SPATA13: variants seen among roughly 807,000 people sequenced by gnomAD.
The protein encoded by SPATA13 is spermatogenesis-associated protein 13.
A neutral mutation model predicts 104.0 loss-of-function variants in SPATA13; 50 were observed. The observed-to-expected ratio is 0.48, with a 90% CI of 0.38 to 0.61. The LOEUF is 0.61. Among genes scored for constraint, SPATA13 ranks in the 20% least tolerant of loss-of-function variants. The probability of loss-of-function intolerance (pLI) is 0.00; values close to 1 mark genes in which losing one functional copy is unlikely to be tolerated. For missense variants in SPATA13, 1,524 were observed against 1,690.6 expected (o/e 0.90, Z 1.73); for synonymous variants, 606 against 667.5 (o/e 0.91, Z 1.42).
intron 4 of SPATA13, among the ~76,000 whole-genome samples, chr13:24,265,531 G>A (rs181932293): frequency 9.8e-5 from 15 of 152,306 alleles, no homozygotes; most frequent in Admixed American, 5.9e-4. Flanking sequence ...GTGCAGCCCC[G>A]TCTCAGCTGT....
Position 24,303,613 on chromosome 13 carries a change from C to T in SPATA13, c.*840C>T, listed in dbSNP as rs1198616258. ...TGCCCACATGCTGTAACCTAAGAAA[C>T]TGCTATGCAAGGCTGGGTGCTGTGG... On this transcript the variant is annotated 3_prime_UTR_variant, in exon 13 of 13. Coordinates refer to ENST00000382108, the MANE Select transcript of SPATA13 (RefSeq NM_001166271.3). The T allele has an allele frequency of 6.5e-6, 1 of 154,306 alleles. No individual in the cohort carries two copies. Among genetic ancestry groups the T allele is most frequent in the Non-Finnish European group, 1.4e-5 (1 of 69,378 alleles). The allele number at this position is 154,306 out of a possible 1,614,324, so 9.6% of individuals were successfully genotyped here.
At chr13:24,122,327 G>A in intron 3 of SPATA13, 2 of 1,447,336 alleles carry the variant, frequency 1.4e-6, no homozygotes, top group Non-Finnish European at 1.9e-6. Flanking sequence ...TGAATAGTTT[G>A]AAAGATAGCT....
chr13:24,291,752 T>A (rs764982168), intron 9 of SPATA13, among the ~76,000 whole-genome samples: 24,784 of 104,276 alleles, frequency 0.24, 2,419 homozygotes, highest in Admixed American at 0.35. Context: ...TTTTTTATTT[T>A]TTTATTTTTT....
chr13:24,163,968 A>G (rs117802275), intron 1 of SPATA13, among the ~76,000 whole-genome samples: 2,074 of 152,330 alleles, frequency 0.014, 23 homozygotes, highest in Admixed American at 0.021. Context: ...ATGTTTGCCT[A>G]TGAGACATGT....
intron 4 of SPATA13, chr13:24,278,775 A>G (rs898014715): frequency 6.2e-7 from 1 of 1,601,384 alleles, no homozygotes; most frequent in Admixed American, 1.7e-5. Context: ...TACTCAAAAA[A>G]GAAAAATATA....
chr13:24,166,281 A>G (rs1882730029), intron 1 of SPATA13, among the ~76,000 whole-genome samples: 1 of 152,232 alleles, frequency 6.6e-6, no homozygotes, highest in Non-Finnish European at 1.5e-5. Flanking sequence ...GCCCATATGT[A>G]AAAGCAAAGC....
intron 3 of SPATA13, chr13:24,123,088 C>T (rs939122073): frequency 1.0e-6 from 1 of 980,490 alleles, no homozygotes; most frequent in African/African-American, 1.6e-5. Context: ...GTAAATTCTT[C>T]ACTATATTCA....
At chr13:24,126,899 T>C (rs561096357) in intron 3 of SPATA13, among the ~76,000 whole-genome samples, 8 of 152,308 alleles carry the variant, frequency 5.3e-5, no homozygotes, top group African/African-American at 1.9e-4. Flanking sequence ...TAGGAATCTT[T>C]ACCCTAAACG....
intron 1 of SPATA13, among the ~76,000 whole-genome samples, chr13:24,190,269 T>TAATATAC (rs1218186954): frequency 2.8e-4 from 1 of 3,554 alleles, no homozygotes; most frequent in African/African-American, 9.0e-4. Flanking sequence ...ACATAATATA[T>TAATATAC]ATTATTATAT....
chr13:23,995,132 G>A (rs1165336116), intron 2 of SPATA13, among the ~76,000 whole-genome samples: 2 of 152,114 alleles, frequency 1.3e-5, no homozygotes, highest in Admixed American at 1.3e-4. Flanking sequence ...GCCAAGGTTC[G>A]GGAACCCTGA....
chr13:24,104,881 A>G (rs143603821), intron 3 of SPATA13, among the ~76,000 whole-genome samples: 10 of 152,314 alleles, frequency 6.6e-5, no homozygotes, highest in African/African-American at 2.2e-4. Flanking sequence ...GCCAGAGGCC[A>G]TGCCAAACCC....
chr13:24,191,902 G>A (rs1018289521), intron 1 of SPATA13, among the ~76,000 whole-genome samples: 5 of 152,080 alleles, frequency 3.3e-5, no homozygotes, highest in Non-Finnish European at 2.9e-5. Flanking sequence ...GCTAAAACCG[G>A]GTTCTTGTCA....
At chr13:24,002,743 T>C (rs2137675046) in intron 2 of SPATA13, among the ~76,000 whole-genome samples, 1 of 152,282 alleles carries the variant, frequency 6.6e-6, no homozygotes, top group African/African-American at 2.4e-5. Context: ...GCACTGGCTG[T>C]ACCCTCTGAT....
At chr13:24,278,348 A>G (rs1875171460) in intron 4 of SPATA13, among the ~76,000 whole-genome samples, 1 of 152,194 alleles carries the variant, frequency 6.6e-6, no homozygotes, top group Admixed American at 6.5e-5. Flanking sequence ...TAGCATTGTC[A>G]TGAGGATTAT....
intron 1 of SPATA13, among the ~76,000 whole-genome samples, chr13:24,216,065 A>G (rs1355086339): frequency 1.3e-5 from 2 of 152,186 alleles, no homozygotes. Context: ...GTGACTGGCA[A>G]CAGCTCCCCT....
At chr13:24,197,161 A>G (rs1341032414) in intron 1 of SPATA13, among the ~76,000 whole-genome samples, 10 of 152,212 alleles carry the variant, frequency 6.6e-5, no homozygotes, top group Non-Finnish European at 1.3e-4. Flanking sequence ...GAAGACATAT[A>G]TCTTTAATTT....
intron 3 of SPATA13, among the ~76,000 whole-genome samples, chr13:24,117,920 C>T (rs943633386): frequency 1.4e-4 from 22 of 152,296 alleles, no homozygotes; most frequent in African/African-American, 4.6e-4. Context: ...AAAAACCACA[C>T]ATCATCAAAC....
intron 4 of SPATA13, among the ~76,000 whole-genome samples, chr13:24,282,025 T>C (rs1010461573): frequency 1.3e-5 from 2 of 152,306 alleles, no homozygotes; most frequent in East Asian, 1.9e-4. Context: ...TGGATCTTTT[T>C]CCATGTTTAT....
intron 2 of SPATA13, among the ~76,000 whole-genome samples, chr13:24,017,422 T>C (rs560978148): frequency 5.3e-5 from 8 of 152,302 alleles, no homozygotes; most frequent in African/African-American, 1.9e-4. Flanking sequence ...AATCTAAATC[T>C]CTTGGGCAGA....
Sources: gnomAD v4.1 joint callset for allele counts (sites outside exome capture counted in the v4.1 genomes callset) on GRCh38, gnomAD v4.1.1 for gene constraint, MANE v1.5 for transcripts, NCBI Gene and HGNC (gene_info 2026-07-23, HGNC 2026-07-21) for gene names.